Variants in ARHGAP42 observed in about 807,000 individuals in gnomAD.
The protein encoded by ARHGAP42 is rho GTPase-activating protein 42.
ARHGAP42 carries 63 observed loss-of-function variants against 125.0 expected under a neutral mutation model. That is an observed-to-expected ratio of 0.50 (90% CI 0.41 to 0.62). The LOEUF (loss-of-function observed/expected upper bound fraction) is 0.62, where lower values mean the gene tolerates loss of function less well. ARHGAP42 is among the 20% of genes least tolerant of loss of function. The probability of loss-of-function intolerance (pLI) is 0.00; values close to 1 mark genes in which losing one functional copy is unlikely to be tolerated. For missense variants in ARHGAP42, 766 were observed against 1,024.2 expected (o/e 0.75, Z 3.44); for synonymous variants, 339 against 351.0 (o/e 0.97, Z 0.38).
At chr11:100,878,085 G>A (rs1379258949) in intron 4 of ARHGAP42, among the ~76,000 whole-genome samples, 1 of 150,928 alleles carries the variant, frequency 6.6e-6, no homozygotes, top group Non-Finnish European at 1.5e-5. Context: ...GGGAATGCCT[G>A]GCACAAAAAT....
intron 2 of ARHGAP42, among the ~76,000 whole-genome samples, chr11:100,779,349 G>C (rs1863210279): frequency 6.7e-6 from 1 of 150,296 alleles, no homozygotes; most frequent in Non-Finnish European, 1.5e-5. Flanking sequence ...AGAGGCTGAG[G>C]GAGGAGAATT....
At chr11:100,724,581 T>C (rs540504254) in intron 1 of ARHGAP42, among the ~76,000 whole-genome samples, 4 of 152,244 alleles carry the variant, frequency 2.6e-5, no homozygotes, top group Admixed American at 2.0e-4. Flanking sequence ...ATCTAAGTTT[T>C]CATATTGTAG....
intron 3 of ARHGAP42, among the ~76,000 whole-genome samples, chr11:100,806,833 G>GTTTA (rs375304573): frequency 0.011 from 1,471 of 129,868 alleles, 20 homozygotes; most frequent in African/African-American, 0.036. Context: ...TTGTTTGTTT[G>GTTTA]TTTGTTTATT....
chr11:100,829,265 C>T (rs969563136), intron 3 of ARHGAP42, among the ~76,000 whole-genome samples: 9 of 151,500 alleles, frequency 5.9e-5, no homozygotes, highest in Non-Finnish European at 1.0e-4. Context: ...GAGGCCAAGG[C>T]GGGAGGATCA....
chr11:100,860,837 A>G (rs1162802113), intron 4 of ARHGAP42, among the ~76,000 whole-genome samples: 1 of 152,160 alleles, frequency 6.6e-6, no homozygotes, highest in Non-Finnish European at 1.5e-5. Context: ...ATTGTGAGCA[A>G]TTTTCGAGTG....
intron 2 of ARHGAP42, among the ~76,000 whole-genome samples, chr11:100,773,267 G>A (rs1194267369): frequency 6.6e-6 from 1 of 152,052 alleles, no homozygotes; most frequent in Non-Finnish European, 1.5e-5. Flanking sequence ...TTCACTAAAT[G>A]ACATAATTTT....
At chr11:100,755,319 G>A (rs916100135) in intron 1 of ARHGAP42, among the ~76,000 whole-genome samples, 1 of 152,186 alleles carries the variant, frequency 6.6e-6, no homozygotes, top group African/African-American at 2.4e-5. Flanking sequence ...AATGGGCTGG[G>A]TCCCTGCACT....
intron 1 of ARHGAP42, among the ~76,000 whole-genome samples, chr11:100,714,287 A>G (rs1227682837): frequency 2.2e-4 from 33 of 152,340 alleles, no homozygotes; most frequent in Non-Finnish European, 2.8e-4. Flanking sequence ...GTTATTGTTA[A>G]TGACATTTCA....
intron 4 of ARHGAP42, among the ~76,000 whole-genome samples, chr11:100,896,363 T>C (rs1314843762): frequency 6.6e-6 from 1 of 152,212 alleles, no homozygotes; most frequent in Non-Finnish European, 1.5e-5. Context: ...TACCCAGTAA[T>C]GGGATGGCTG....
At chr11:100,705,883 G>C (rs17095345) in intron 1 of ARHGAP42, among the ~76,000 whole-genome samples, 6,982 of 151,992 alleles carry the variant, frequency 0.046, 209 homozygotes, top group African/African-American at 0.095. Flanking sequence ...GTTTCATATT[G>C]ATGTGAGAGC....
chr11:100,789,403 G>T (rs1863512345), intron 2 of ARHGAP42, among the ~76,000 whole-genome samples: 1 of 152,200 alleles, frequency 6.6e-6, no homozygotes, highest in African/African-American at 2.4e-5. Context: ...GAGGGGAGTG[G>T]GTGGATGAGT....
chr11:100,951,572 G>A (rs1857651443), intron 12 of ARHGAP42, among the ~76,000 whole-genome samples: 1 of 152,156 alleles, frequency 6.6e-6, no homozygotes, highest in Non-Finnish European at 1.5e-5. Flanking sequence ...TATATACAGT[G>A]TTGAGTAGGG....
chr11:100,861,154 C>T (rs1238499679), intron 4 of ARHGAP42, among the ~76,000 whole-genome samples: 1 of 151,804 alleles, frequency 6.6e-6, no homozygotes, highest in Non-Finnish European at 1.5e-5. Flanking sequence ...AGACCTACGT[C>T]ATGAGGAAGA....
chr11:100,866,109 A>G (rs1865562953), intron 4 of ARHGAP42, among the ~76,000 whole-genome samples: 1 of 152,210 alleles, frequency 6.6e-6, no homozygotes, highest in Non-Finnish European at 1.5e-5. Context: ...TTGTCATTTC[A>G]ACAGTATTCA....
chr11:100,795,053 A>G, intron 2 of ARHGAP42, 52 bp from the exon 3 acceptor site: 1 of 1,340,998 alleles, frequency 7.5e-7, no homozygotes, highest in Non-Finnish European at 1.0e-6. Flanking sequence ...GAGTAATTAG[A>G]TATTAGCTAT....
At chr11:100,912,125 A>G (rs1346741299) in intron 4 of ARHGAP42, among the ~76,000 whole-genome samples, 2 of 152,160 alleles carry the variant, frequency 1.3e-5, no homozygotes, top group Non-Finnish European at 2.9e-5. Flanking sequence ...CCAATGGATC[A>G]AAATTACATT....
intron 4 of ARHGAP42, among the ~76,000 whole-genome samples, chr11:100,888,524 T>G (rs1866148013): frequency 6.6e-6 from 1 of 152,188 alleles, no homozygotes; most frequent in African/African-American, 2.4e-5. Flanking sequence ...TAAAATTTTC[T>G]AAGTACATAT....
At chr11:100,980,612 C>T (rs560795153) in intron 22 of ARHGAP42, among the ~76,000 whole-genome samples, 5 of 103,472 alleles carry the variant, frequency 4.8e-5, no homozygotes, top group Non-Finnish European at 7.6e-5. Context: ...CGCTCTGTCA[C>T]CAGGCTGGAG....
chr11:100,799,524 A>G (rs927465652), intron 3 of ARHGAP42, among the ~76,000 whole-genome samples: 7 of 152,178 alleles, frequency 4.6e-5, no homozygotes, highest in African/African-American at 1.7e-4. Context: ...AGAATTGGGT[A>G]GTATGTGCAC....
Sources: allele counts gnomAD v4.1 joint callset (sites outside exome capture counted in the v4.1 genomes callset), GRCh38; gene constraint gnomAD v4.1.1; transcripts MANE v1.5; gene names NCBI Gene and HGNC (gene_info 2026-07-23, HGNC 2026-07-21).